SHC4: variants seen among roughly 807,000 people sequenced by gnomAD.
SHC4 encodes the protein SHC-transforming protein 4.
A neutral mutation model predicts 69.4 loss-of-function variants in SHC4; 41 were observed. The observed-to-expected ratio is 0.59, with a 90% CI of 0.46 to 0.77. The LOEUF is 0.77. Among genes scored for constraint, SHC4 ranks in the 30% least tolerant of loss-of-function variants. The probability of loss-of-function intolerance (pLI) is 0.00; values close to 1 mark genes in which losing one functional copy is unlikely to be tolerated. For synonymous variants in SHC4, 318 were observed against 299.3 expected, an observed-to-expected ratio of 1.06 and a Z score of -0.64; for missense variants, 777 against 783.8, an observed-to-expected ratio of 0.99 and a Z score of 0.10.
chr15:48,833,979 G>C (rs1317849422), intron 11 of SHC4, among the ~76,000 whole-genome samples: 1 of 152,124 alleles, frequency 6.6e-6, no homozygotes, highest in African/African-American at 2.4e-5. Flanking sequence ...TCTTTTGGGG[G>C]AACAAGGGCT....
In SHC4 at chr15:48,963,203, C is replaced by T. The variant is rs1901577335; in HGVS notation, c.-188G>A. On this transcript the variant is annotated 5_prime_UTR_variant, in exon 1 of 12. Transcript: ENST00000332408. ...GGGTGACAGCCCATGGGGGAAACGC[C>T]TCCCCTGCTCTGATTTCAGTCTCTC... is the stretch of plus-strand genomic sequence containing the variant. 4 of 588,280 alleles carry T rather than the reference C, an allele frequency of 6.8e-6. No homozygotes were observed. The East Asian group carries it at 1.2e-4, about 17-fold the overall frequency. The allele number at this position is 588,280 out of a possible 1,614,324, so 36.4% of individuals were successfully genotyped here.
intron 1 of SHC4, among the ~76,000 whole-genome samples, chr15:48,937,369 C>T (rs1901090640): frequency 6.6e-6 from 1 of 151,988 alleles, no homozygotes; most frequent in Admixed American, 6.6e-5. Context: ...GGCCCTGATG[C>T]CTTTTTACAG....
At chr15:48,883,333 T>C (rs980585994) in intron 4 of SHC4, among the ~76,000 whole-genome samples, 4 of 152,184 alleles carry the variant, frequency 2.6e-5, no homozygotes, top group Admixed American at 2.6e-4. Flanking sequence ...ATTTCACTGA[T>C]GAGGAAAACT....
At chr15:48,930,285 T>C (rs1900937601) in intron 1 of SHC4, among the ~76,000 whole-genome samples, 1 of 152,336 alleles carries the variant, frequency 6.6e-6, no homozygotes, top group East Asian at 1.9e-4. Flanking sequence ...AGTAGTAGTA[T>C]TAGTTTAGAT....
At chr15:48,845,085 T>C (rs6493341) in intron 9 of SHC4, among the ~76,000 whole-genome samples, 128,366 of 152,218 alleles carry the variant, frequency 0.84, 54,392 homozygotes, top group East Asian at 1. Flanking sequence ...TATGTGCTCA[T>C]GGTCATCATA....
chr15:48,928,134 G>C (rs905471850), intron 1 of SHC4, among the ~76,000 whole-genome samples: 1 of 151,288 alleles, frequency 6.6e-6, no homozygotes, highest in Non-Finnish European at 1.5e-5. Context: ...GAGTACAAGA[G>C]CACCCAGGAC....
chr15:48,859,265 T>A (rs1037618542), intron 6 of SHC4, among the ~76,000 whole-genome samples: 2 of 151,976 alleles, frequency 1.3e-5, no homozygotes, highest in African/African-American at 4.8e-5. Flanking sequence ...AAAACTAATT[T>A]GACTTTTACT....
chr15:48,879,448 T>C (rs147246392), intron 4 of SHC4: 49 of 167,184 alleles, frequency 2.9e-4, no homozygotes, highest in African/African-American at 1.2e-3. Flanking sequence ...AATTAAGACA[T>C]CCTTAATTAA....
At chr15:48,895,126 C>T (rs1900202740) in intron 2 of SHC4, among the ~76,000 whole-genome samples, 1 of 152,024 alleles carries the variant, frequency 6.6e-6, no homozygotes, top group Admixed American at 6.6e-5. Flanking sequence ...ACTGAGCACT[C>T]TTTATGGTCA....
At chr15:48,899,106 C>A (rs569359020) in intron 2 of SHC4, among the ~76,000 whole-genome samples, 2 of 151,306 alleles carry the variant, frequency 1.3e-5, no homozygotes, top group Non-Finnish European at 1.5e-5. Flanking sequence ...TTCACTCAAG[C>A]TCACTCTAAG....
chr15:48,958,489 T>C (rs1487964953), intron 1 of SHC4, among the ~76,000 whole-genome samples: 2 of 152,220 alleles, frequency 1.3e-5, no homozygotes, highest in Non-Finnish European at 2.9e-5. Flanking sequence ...TGAGGGCCAC[T>C]GCAGTTACCT....
chr15:48,960,850 A>G (rs1441516911), intron 1 of SHC4, among the ~76,000 whole-genome samples: 1 of 152,194 alleles, frequency 6.6e-6, no homozygotes, highest in Non-Finnish European at 1.5e-5. Context: ...GGCATCACTG[A>G]TGTCATTCTG....
intron 2 of SHC4, among the ~76,000 whole-genome samples, chr15:48,906,381 T>C (rs1215270961): frequency 1.3e-5 from 2 of 152,194 alleles, no homozygotes; most frequent in Non-Finnish European, 2.9e-5. Context: ...AAATCTATTT[T>C]TTACTGTATC....
chr15:48,906,414 TC>T (rs903186882), intron 2 of SHC4, among the ~76,000 whole-genome samples: 3 of 152,146 alleles, frequency 2.0e-5, no homozygotes, highest in Non-Finnish European at 2.9e-5. Flanking sequence ...TTTACAAGCT[TC>T]TTTTTCCACC....
At chr15:48,934,351 A>C (rs1050420195) in intron 1 of SHC4, among the ~76,000 whole-genome samples, 6 of 152,190 alleles carry the variant, frequency 3.9e-5, no homozygotes, top group African/African-American at 1.4e-4. Context: ...AATATAATTT[A>C]CCATTGGGAA....
At chr15:48,962,352 A>AT in intron 1 of SHC4, 79 bp downstream of exon 1, 1 of 1,423,060 alleles carries the variant, frequency 7.0e-7, no homozygotes, top group South Asian at 1.4e-5. Flanking sequence ...GGCAGGTAAC[A>AT]TTAGACCCCT....
At chr15:48,921,235 C>A (rs1380982415) in intron 2 of SHC4, among the ~76,000 whole-genome samples, 1 of 151,764 alleles carries the variant, frequency 6.6e-6, no homozygotes, top group Non-Finnish European at 1.5e-5. Flanking sequence ...TATGTTTCCA[C>A]TTTTATGAGG....
intron 1 of SHC4, among the ~76,000 whole-genome samples, chr15:48,956,899 G>A (rs1215911378): frequency 6.6e-6 from 1 of 151,504 alleles, no homozygotes; most frequent in Non-Finnish European, 1.5e-5. Context: ...AAGACCTGGA[G>A]TCTCAGGATT....
intron 9 of SHC4, among the ~76,000 whole-genome samples, chr15:48,849,006 G>A (rs913659647): frequency 5.9e-5 from 9 of 152,172 alleles, no homozygotes; most frequent in South Asian, 2.1e-4. Context: ...TTAAGGACAG[G>A]AGGGATGTGG....
Sources: gnomAD v4.1 joint callset for allele counts (sites outside exome capture counted in the v4.1 genomes callset) on GRCh38, gnomAD v4.1.1 for gene constraint, MANE v1.5 for transcripts, NCBI Gene and HGNC (gene_info 2026-07-23, HGNC 2026-07-21) for gene names.